Variants in ABR observed in about 807,000 individuals in gnomAD.
ABR encodes the protein ABR activator of RhoGEF and GTPase, also known as active breakpoint cluster region-related protein.
Under a neutral mutation model 107.2 loss-of-function variants are expected in ABR, and 35 were observed. That is an observed-to-expected ratio of 0.33 (90% CI 0.25 to 0.43). The LOEUF is 0.43. ABR is among the 20% of genes least tolerant of loss of function. The probability of loss-of-function intolerance (pLI) is 1.00; values close to 1 mark genes in which losing one functional copy is unlikely to be tolerated. For synonymous variants in ABR, 498 were observed against 462.0 expected, an observed-to-expected ratio of 1.08 and a Z score of -1.00; for missense variants, 815 against 1,115.2, an observed-to-expected ratio of 0.73 and a Z score of 3.83.
chr17:1,055,037 A>G (rs967744912), intron 14 of ABR, among the ~76,000 whole-genome samples: 3 of 152,088 alleles, frequency 2.0e-5, no homozygotes, highest in Admixed American at 6.6e-5. Context: ...TTAGCTGTCT[A>G]ACTGACTCAC....
chr17:1,215,564 G>A (rs1468764498), intron 1 of ABR, among the ~76,000 whole-genome samples: 1 of 152,166 alleles, frequency 6.6e-6, no homozygotes, highest in Non-Finnish European at 1.5e-5. Context: ...AGGCTGGAGT[G>A]CAGTGGCGTG....
chr17:1,145,686 G>A (rs2040498772), intron 1 of ABR, among the ~76,000 whole-genome samples: 1 of 152,224 alleles, frequency 6.6e-6, no homozygotes, highest in Admixed American at 6.5e-5. Context: ...AGTAATGCCA[G>A]GTCCAGAGAG....
Position 1,166,732 on chromosome 17 carries a change from G to T in ABR, c.61+12935C>A, listed in dbSNP as rs569534919. 3.0e-3 allele frequency among the ~76,000 whole-genome samples: 461 copies of T among 152,350 alleles called. 3 individuals are homozygous for T. The highest frequency in any genetic ancestry group is 0.011 in the African/African-American group (438 of 41,582). ...TGCAGAATCCAGGCCGGGCGCAGGG[G>T]CTCACGCCTGTAATCCCAGCACTTT... On this transcript the variant is annotated intron_variant, in intron 1 of 22. Transcript: ENST00000302538.
chr17:1,010,879 C>T lies in ABR; in HGVS notation c.2102-16G>A, dbSNP rs373526551. 8.1e-6 allele frequency: 13 copies of T among 1,612,562 alleles called. No homozygotes were observed. The highest frequency in any genetic ancestry group is 3.4e-4 in the Middle Eastern group (2 of 5,840). ...TCCTTGTTATCTGCAGGGGTGGGGC[C>T]GAGGTCAGGCAGCCTTAGCTGGGCC... On this transcript the variant is annotated splice_polypyrimidine_tract_variant and intron_variant, in intron 19 of 22. Transcript: ENST00000302538. This position sits in a 1 kb window ranked among gnomAD's most constrained non-coding sequence, Gnocchi z 4.1.
chr17:1,083,571 C>G lies in ABR; in HGVS notation c.588G>C (p.Glu196Asp). 1 of 1,613,596 alleles carries G rather than the reference C, an allele frequency of 6.2e-7. No homozygotes were observed. The highest frequency in any genetic ancestry group is 8.5e-7 in the Non-Finnish European group (1 of 1,179,744). ...TGGACTGGCTGCACTTCTCAGCTGT[C>G]TCCAGAGCGACTTTATAGTTATCGA... ...AFVDNYKVAL[E>D]TAEKCSQSNN... Residue 196 changes from glutamate to aspartate, a missense_variant, in exon 5 of 23, where the codon GAG (glutamate) becomes GAC (aspartate). Glu to Asp is a conservative substitution (Grantham distance 45). Coordinates refer to ENST00000302538, the MANE Select transcript of ABR (RefSeq NM_021962.5).
chr17:1,033,166 G>A (rs2072935710), intron 16 of ABR, among the ~76,000 whole-genome samples: 2 of 152,324 alleles, frequency 1.3e-5, no homozygotes, highest in Non-Finnish European at 2.9e-5. Flanking sequence ...TGACCCCAAG[G>A]CAGGTGGGTC....
intron 3 of ABR, among the ~76,000 whole-genome samples, chr17:1,097,045 G>A (rs11650002): frequency 0.12 from 17,761 of 152,178 alleles, 1,150 homozygotes; most frequent in South Asian, 0.19. Context: ...GGGGGCCCCT[G>A]CCCCACAGAT....
At chr17:1,175,887 C>T (rs1011299133) in intron 1 of ABR, among the ~76,000 whole-genome samples, 11 of 151,926 alleles carry the variant, frequency 7.2e-5, no homozygotes, top group African/African-American at 2.7e-4. Flanking sequence ...GTCAGGAGAT[C>T]GAGACCATCC....
intron 10 of ABR, among the ~76,000 whole-genome samples, chr17:1,065,522 A>G (rs1370606144): frequency 7.0e-6 from 1 of 143,038 alleles, no homozygotes; most frequent in Admixed American, 7.2e-5. Flanking sequence ...GTTCCTCTAG[A>G]CGCTGTTGTT....
chr17:1,049,979 C>T, intron 16 of ABR, 71 bp downstream of exon 16: 1 of 1,548,224 alleles, frequency 6.5e-7, no homozygotes, highest in Middle Eastern at 1.7e-4. Flanking sequence ...GGCTCCTTGA[C>T]CAGAATTCCT....
At chr17:1,074,779 C>T (rs1320292978) in intron 6 of ABR, among the ~76,000 whole-genome samples, 2 of 152,230 alleles carry the variant, frequency 1.3e-5, no homozygotes, top group South Asian at 2.1e-4. Flanking sequence ...AACCCCATCT[C>T]TATTAAAAAT....
At chr17:1,026,304 G>A (rs980122572) in intron 16 of ABR, among the ~76,000 whole-genome samples, 1 of 152,222 alleles carries the variant, frequency 6.6e-6, no homozygotes, top group Non-Finnish European at 1.5e-5. Flanking sequence ...GGCACCTTGT[G>A]CCACATGAGC....
chr17:1,020,489 G>A (rs1200420197), intron 16 of ABR, among the ~76,000 whole-genome samples: 3 of 152,228 alleles, frequency 2.0e-5, no homozygotes, highest in East Asian at 1.9e-4. Flanking sequence ...TCCAGGAGAC[G>A]ACCAGGTCCC....
At chr17:1,193,913 T>C (rs138511156) in intron 1 of ABR, among the ~76,000 whole-genome samples, 45,775 of 151,406 alleles carry the variant, frequency 0.3, 7,800 homozygotes, top group South Asian at 0.46. Flanking sequence ...CCAGGATGGT[T>C]TTGATCTCCT....
At chr17:1,204,510 T>A (rs2042750625) in intron 1 of ABR, among the ~76,000 whole-genome samples, 2 of 152,190 alleles carry the variant, frequency 1.3e-5, no homozygotes, top group Admixed American at 6.5e-5. Context: ...CCATATGACC[T>A]GAAAGGACTA....
chr17:1,106,026 G>A (rs532084593), intron 2 of ABR, among the ~76,000 whole-genome samples: 1 of 152,262 alleles, frequency 6.6e-6, no homozygotes, highest in South Asian at 2.1e-4. Context: ...AAACATTTTT[G>A]GCAAGTGTAA....
chr17:1,072,619 C>A lies in ABR; in HGVS notation c.889G>T (p.Gly297Trp). 2 of 1,607,442 alleles carry A rather than the reference C, an allele frequency of 1.2e-6. No homozygotes were observed. Among genetic ancestry groups the A allele is most frequent in the Non-Finnish European group, 1.7e-6 (2 of 1,177,246 alleles). ...GTGCCGGGCTCTGAGCTCACCTCCCCCTTGGGCGTTGTCACTGCAGTCCGG... is the reference window on the plus strand; with the variant it reads ...GTGCCGGGCTCTGAGCTCACCTCCCACTTGGGCGTTGTCACTGCAGTCCGG... ...PRRTAVTTPK[G>W]ETRQLVKDGF... Residue 297 changes from glycine (G) to tryptophan (W), a missense_variant, in exon 8 of 23, where the codon GGG becomes TGG. Transcript: ENST00000302538.
intron 16 of ABR, among the ~76,000 whole-genome samples, chr17:1,033,050 G>A (rs1047976630): frequency 6.6e-6 from 1 of 152,204 alleles, no homozygotes; most frequent in Admixed American, 6.5e-5. Context: ...AGTGAGGATG[G>A]GGAGGTCCCT....
chr17:1,057,949 G>A (rs762924815), intron 12 of ABR, 21 bp downstream of exon 12: 49 of 1,605,446 alleles, frequency 3.1e-5, no homozygotes, highest in Non-Finnish European at 4.0e-5. Flanking sequence ...ATTGGGGAGC[G>A]TGGAAGAGGC....
Sources: allele counts gnomAD v4.1 joint callset (sites outside exome capture counted in the v4.1 genomes callset), GRCh38; gene constraint gnomAD v4.1.1; non-coding constraint Gnocchi (gnomAD v3.1); transcripts MANE v1.5; gene names NCBI Gene and HGNC (gene_info 2026-07-23, HGNC 2026-07-21).